The following AK5 variants were observed in gnomAD, a reference collection of about 807,000 sequenced individuals.
The protein encoded by AK5 is adenylate kinase isoenzyme 5.
Under a neutral mutation model 69.5 loss-of-function variants are expected in AK5, and 27 were observed. That is an observed-to-expected ratio of 0.39 (90% CI 0.29 to 0.54). AK5 has a LOEUF of 0.54. AK5 is among the 20% of genes least tolerant of loss of function. AK5 has a pLI of 0.71. For missense variants in AK5, 531 were observed against 700.4 expected, an observed-to-expected ratio of 0.76 and a Z score of 2.73; for synonymous variants, 260 against 244.4, an observed-to-expected ratio of 1.06 and a Z score of -0.60.
At chr1:77,376,173 A>T (rs951918895) in intron 6 of AK5, among the ~76,000 whole-genome samples, 1 of 152,194 alleles carries the variant, frequency 6.6e-6, no homozygotes, top group Non-Finnish European at 1.5e-5. Context: ...CCACTGGTTT[A>T]TGTCACTTGA....
At chr1:77,354,097 G>T (rs1390339119) in intron 6 of AK5, among the ~76,000 whole-genome samples, 1 of 152,164 alleles carries the variant, frequency 6.6e-6, no homozygotes, top group Non-Finnish European at 1.5e-5. Flanking sequence ...CCATTACCAA[G>T]TTCAGGATTG....
intron 5 of AK5, among the ~76,000 whole-genome samples, chr1:77,338,119 CGCA>C (rs1325796360): frequency 6.6e-6 from 1 of 152,058 alleles, no homozygotes; most frequent in Non-Finnish European, 1.5e-5. Flanking sequence ...CACACGCCAT[CGCA>C]CCCGGCTATT....
intron 6 of AK5, among the ~76,000 whole-genome samples, chr1:77,358,018 T>TGTGTGTGTGTGTGTGTGTGTGAGA (rs762714026): frequency 3.7e-4 from 48 of 128,264 alleles, no homozygotes; most frequent in East Asian, 1.7e-3. Context: ...TGTGTGTGTG[T>TGTGTGTGTGTGTGTGTGTGTGAGA]GAGAGAGAGA....
chr1:77,543,465 GACT>G (rs1659380354), intron 13 of AK5, among the ~76,000 whole-genome samples: 1 of 29,042 alleles, frequency 3.4e-5, no homozygotes, highest in Non-Finnish European at 2.2e-4. Flanking sequence ...ATGACAGTTT[GACT>G]GGACATAATT....
rs777546765 is a variant in AK5, at chr1:77,559,518, T to A, written c.*848T>A. 4 of 149,034 alleles carry A rather than the reference T, an allele frequency of 2.7e-5. No individual in the cohort carries two copies. The highest frequency in any genetic ancestry group is 5.9e-5 in the Non-Finnish European group (4 of 67,286). 9.2% of individuals were successfully genotyped at this position (149,034 alleles called of 1,614,324 possible). A position where few individuals can be genotyped will look rare whatever the true frequency, so the allele number is the denominator to read the frequency against. ...CATTCATTGGGCACATATCAAATTA[T>A]AATTTTGATTTTAAATGGTCACCCA... is the stretch of plus-strand genomic sequence containing the variant. On this transcript the variant is annotated 3_prime_UTR_variant, in exon 14 of 14. Transcript: ENST00000354567.
At chr1:77,362,103 A>G (rs1430957430) in intron 6 of AK5, among the ~76,000 whole-genome samples, 1 of 152,180 alleles carries the variant, frequency 6.6e-6, no homozygotes, top group Non-Finnish European at 1.5e-5. Flanking sequence ...TGGTGCTTAG[A>G]ACAGGACCAG....
intron 6 of AK5, among the ~76,000 whole-genome samples, chr1:77,385,718 A>T (rs1647979358): frequency 6.6e-6 from 1 of 152,222 alleles, no homozygotes; most frequent in Non-Finnish European, 1.5e-5. Flanking sequence ...CATTAGCAGC[A>T]GTCTAGTTAC....
At chr1:77,400,933 TAAAAAAAAA>T (rs71689422) in intron 6 of AK5, among the ~76,000 whole-genome samples, 5 of 115,320 alleles carry the variant, frequency 4.3e-5, no homozygotes, top group East Asian at 5.1e-4. Flanking sequence ...TTCATTCTGT[TAAAAAAAAA>T]AAAAAAAAAA....
intron 8 of AK5, among the ~76,000 whole-genome samples, chr1:77,455,172 G>A (rs930090502): frequency 2.7e-5 from 4 of 150,910 alleles, no homozygotes; most frequent in South Asian, 2.1e-4. Context: ...CTAGTATATC[G>A]CTAACGCAGG....
intron 12 of AK5, among the ~76,000 whole-genome samples, chr1:77,522,664 G>A (rs1658057328): frequency 6.6e-6 from 1 of 152,102 alleles, no homozygotes; most frequent in African/African-American, 2.4e-5. Context: ...GGGAGCAGCA[G>A]TAAGTAAAAA....
At chr1:77,418,852 G>A (rs979146286) in intron 8 of AK5, among the ~76,000 whole-genome samples, 2 of 152,170 alleles carry the variant, frequency 1.3e-5, no homozygotes, top group Non-Finnish European at 2.9e-5. Context: ...ATTTTCTTGA[G>A]TATAAAGTTC....
chr1:77,499,533 G>A (rs574626355), intron 10 of AK5, among the ~76,000 whole-genome samples: 13 of 152,208 alleles, frequency 8.5e-5, no homozygotes, highest in African/African-American at 1.7e-4. Flanking sequence ...GGCCAGTTGC[G>A]TATGACCCTG....
chr1:77,321,396 G>A (rs1158587067), intron 5 of AK5, among the ~76,000 whole-genome samples: 1 of 152,042 alleles, frequency 6.6e-6, no homozygotes, highest in Admixed American at 6.6e-5. Context: ...TTGAACCCGA[G>A]AGGCGTAGGT....
rs369203910 is a variant in AK5 at position 77,516,573 on chromosome 1, CA to C, written c.1148-1988del. ...ACCTCAATAAAGCTGGGGGAGAAAA[CA>C]AAGAGAAGAGGAGGAAGGAAGGGCC... On this transcript the variant is annotated intron_variant, in intron 10 of 13. Coordinates refer to ENST00000354567, the MANE Select transcript of AK5 (RefSeq NM_174858.3). Among the ~76,000 whole-genome samples the C allele has an allele frequency of 1.1e-4, 16 of 151,868 alleles. No individual in the cohort carries two copies. The East Asian group carries it at 1.4e-3, about 13-fold the overall frequency.
At chr1:77,283,068 G>C in intron 1 of AK5, 2 of 985,656 alleles carry the variant, frequency 2.0e-6, no homozygotes, top group Non-Finnish European at 2.4e-6. Flanking sequence ...GCTGCGAGGG[G>C]GGCGGACTCC....
chr1:77,328,862 T>C (rs1201213622), intron 5 of AK5, among the ~76,000 whole-genome samples: 1 of 152,164 alleles, frequency 6.6e-6, no homozygotes, highest in Non-Finnish European at 1.5e-5. Context: ...GCCTGGGTAA[T>C]TTATAAAGAA....
intron 12 of AK5, among the ~76,000 whole-genome samples, chr1:77,525,774 T>A (rs544647404): frequency 2.0e-5 from 3 of 152,192 alleles, no homozygotes; most frequent in Admixed American, 1.3e-4. Context: ...TATGTGAGAG[T>A]TTATTTTTGG....
At chr1:77,372,073 G>A (rs963745963) in intron 6 of AK5, among the ~76,000 whole-genome samples, 2 of 152,052 alleles carry the variant, frequency 1.3e-5, no homozygotes, top group Admixed American at 6.5e-5. Flanking sequence ...TGTGCTGTTA[G>A]CATGTCCTTA....
At chr1:77,343,500 G>C (rs1661762400) in intron 6 of AK5, among the ~76,000 whole-genome samples, 1 of 152,190 alleles carries the variant, frequency 6.6e-6, no homozygotes, top group Non-Finnish European at 1.5e-5. Context: ...TGAAATGAGA[G>C]AATATGTATA....
Sources: allele counts gnomAD v4.1 joint callset (sites outside exome capture counted in the v4.1 genomes callset), GRCh38; gene constraint gnomAD v4.1.1; transcripts MANE v1.5; gene names NCBI Gene and HGNC (gene_info 2026-07-23, HGNC 2026-07-21).